Variants in NKAIN3 observed in about 807,000 individuals in gnomAD.
The protein encoded by NKAIN3 is sodium/potassium transporting ATPase interacting 3.
Under a neutral mutation model 30.2 loss-of-function variants are expected in NKAIN3, and 25 were observed. The ratio of observed to expected loss-of-function variants is 0.83; its 90% CI spans 0.60 to 1.16. NKAIN3 has a LOEUF of 1.16. Among genes scored for constraint, NKAIN3 ranks in the 50% most tolerant of loss-of-function variants. The pLI is 0.00. For synonymous variants in NKAIN3, 91 were observed against 89.6 expected, an observed-to-expected ratio of 1.02 and a Z score of -0.09; for missense variants, 225 against 254.1, an observed-to-expected ratio of 0.89 and a Z score of 0.78.
chr8:62,823,418 C>A (rs1174678752), intron 4 of NKAIN3, among the ~76,000 whole-genome samples: 1 of 152,078 alleles, frequency 6.6e-6, no homozygotes, highest in African/African-American at 2.4e-5. Flanking sequence ...TAACACTGAA[C>A]AGAAAATCTC....
At chr8:62,656,973 A>G (rs1265798528) in intron 3 of NKAIN3, among the ~76,000 whole-genome samples, 5 of 152,208 alleles carry the variant, frequency 3.3e-5, no homozygotes, top group Admixed American at 2.6e-4. Flanking sequence ...ACAAAAGGGT[A>G]TTCTTTGTGT....
intron 1 of NKAIN3, among the ~76,000 whole-genome samples, chr8:62,297,211 TA>T (rs1300802634): frequency 6.6e-6 from 1 of 152,090 alleles, no homozygotes; most frequent in African/African-American, 2.4e-5. Context: ...CTTAAAACCA[TA>T]AAAACCCTAG....
At chr8:62,706,514 C>A (rs1007072401) in intron 3 of NKAIN3, among the ~76,000 whole-genome samples, 3 of 152,002 alleles carry the variant, frequency 2.0e-5, no homozygotes. Flanking sequence ...AGTTTCCATT[C>A]ATTCGTTTAT....
intron 1 of NKAIN3, among the ~76,000 whole-genome samples, chr8:62,259,915 C>T (rs1303248461): frequency 6.6e-6 from 1 of 152,086 alleles, no homozygotes; most frequent in Non-Finnish European, 1.5e-5. Context: ...GGAGTACTGA[C>T]AAGGGCTCTA....
At chr8:62,831,539 G>T (rs1819197880) in intron 4 of NKAIN3, among the ~76,000 whole-genome samples, 1 of 152,066 alleles carries the variant, frequency 6.6e-6, no homozygotes, top group South Asian at 2.1e-4. Flanking sequence ...TAATCAATCA[G>T]AGCTTTTGGA....
At chr8:62,436,320 C>A (rs1392615777) in intron 1 of NKAIN3, among the ~76,000 whole-genome samples, 1 of 152,108 alleles carries the variant, frequency 6.6e-6, no homozygotes, top group Non-Finnish European at 1.5e-5. Context: ...CCAGGTGAAG[C>A]CTTTCTTGGT....
At chr8:62,282,727 G>A (rs2129397105) in intron 1 of NKAIN3, among the ~76,000 whole-genome samples, 1 of 152,268 alleles carries the variant, frequency 6.6e-6, no homozygotes. Flanking sequence ...GTATTTGCCT[G>A]TGATGGAAAC....
At chr8:62,858,956 T>C (rs766963321) in intron 4 of NKAIN3, among the ~76,000 whole-genome samples, 6 of 152,172 alleles carry the variant, frequency 3.9e-5, no homozygotes, top group Non-Finnish European at 8.8e-5. Context: ...GACACCTTTG[T>C]TGGGGATCCC....
intron 1 of NKAIN3, among the ~76,000 whole-genome samples, chr8:62,345,507 A>ATATATGTG (rs1815950840): frequency 5.4e-5 from 1 of 18,448 alleles, no homozygotes; most frequent in Non-Finnish European, 1.2e-4. Context: ...ATATATACAC[A>ATATATGTG]TATATACACA....
At chr8:62,848,857 G>T (rs1172273213) in intron 4 of NKAIN3, among the ~76,000 whole-genome samples, 2 of 152,270 alleles carry the variant, frequency 1.3e-5, no homozygotes, top group Non-Finnish European at 1.5e-5. Flanking sequence ...AGTTTATTGA[G>T]AGTTTTCAAT....
At chr8:62,526,578 A>G (rs978272901) in intron 1 of NKAIN3, among the ~76,000 whole-genome samples, 17 of 152,326 alleles carry the variant, frequency 1.1e-4, no homozygotes, top group Non-Finnish European at 1.5e-4. Flanking sequence ...TCAGTTTCCA[A>G]TATTATCATC....
chr8:62,571,143 T>A (rs535754150), intron 1 of NKAIN3, among the ~76,000 whole-genome samples: 74 of 150,400 alleles, frequency 4.9e-4, no homozygotes, highest in African/African-American at 1.7e-3. Context: ...AGGCTTATTT[T>A]TTTTTTTTTT....
intron 1 of NKAIN3, among the ~76,000 whole-genome samples, chr8:62,501,427 C>T (rs962804722): frequency 2.6e-5 from 4 of 152,120 alleles, no homozygotes; most frequent in African/African-American, 9.7e-5. Context: ...TGGTATTCTT[C>T]TGCTATGTTT....
chr8:62,877,554 C>G (rs904038393), intron 4 of NKAIN3, among the ~76,000 whole-genome samples: 3 of 152,224 alleles, frequency 2.0e-5, no homozygotes, highest in African/African-American at 7.2e-5. Context: ...CATGAAAGGT[C>G]ACACATAGGA....
At chr8:62,500,435 AAG>A (rs772565059) in intron 1 of NKAIN3, among the ~76,000 whole-genome samples, 64 of 91,676 alleles carry the variant, frequency 7.0e-4, no homozygotes, top group Admixed American at 1.7e-3. Context: ...GAAAGAAAGA[AAG>A]AAAGAAAGAA....
chr8:62,709,927 T>C (rs182930133), intron 3 of NKAIN3, among the ~76,000 whole-genome samples: 130 of 152,184 alleles, frequency 8.5e-4, no homozygotes, highest in African/African-American at 2.8e-3. Context: ...GTGTCATTGT[T>C]GTTGTTCAGT....
intron 1 of NKAIN3, among the ~76,000 whole-genome samples, chr8:62,532,164 G>A (rs1339380311): frequency 5.3e-5 from 8 of 151,970 alleles, no homozygotes; most frequent in South Asian, 4.2e-4. Flanking sequence ...ATTGTTTGTC[G>A]GTGTTGTCCA....
intron 4 of NKAIN3, among the ~76,000 whole-genome samples, chr8:62,785,330 C>CATGGTA (rs894644168): frequency 5.3e-5 from 8 of 152,112 alleles, no homozygotes; most frequent in African/African-American, 1.7e-4. Context: ...CAGAAGACCA[C>CATGGTA]ATGGTATATG....
intron 1 of NKAIN3, among the ~76,000 whole-genome samples, chr8:62,398,051 G>A (rs1179525500): frequency 6.6e-6 from 1 of 152,148 alleles, no homozygotes; most frequent in Non-Finnish European, 1.5e-5. Context: ...CAGGCACCAT[G>A]TCTGGCCACG....
Sources: gnomAD v4.1 joint callset for allele counts (sites outside exome capture counted in the v4.1 genomes callset) on GRCh38, gnomAD v4.1.1 for gene constraint, MANE v1.5 for transcripts, NCBI Gene and HGNC (gene_info 2026-07-23, HGNC 2026-07-21) for gene names.